Variants in RBFOX1 observed in about 807,000 individuals in gnomAD.
RBFOX1 encodes the protein RNA binding protein fox-1 homolog 1.
RBFOX1 carries 8 observed loss-of-function variants against 57.7 expected under a neutral mutation model. The observed-to-expected ratio is 0.14, with a 90% confidence interval of 0.08 to 0.25. RBFOX1 has a LOEUF of 0.25. Ranked by LOEUF, RBFOX1 falls within the 10% of genes least tolerant of loss-of-function variation. RBFOX1 has a pLI of 1.00. For synonymous variants in RBFOX1, 326 were observed against 222.4 expected, an observed-to-expected ratio of 1.47 and a Z score of -4.15; for missense variants, 611 against 548.5, an observed-to-expected ratio of 1.11 and a Z score of -1.14.
intron 4 of RBFOX1, among the ~76,000 whole-genome samples, chr16:7,058,205 G>C (rs1265940223): frequency 1.3e-5 from 2 of 152,028 alleles, no homozygotes; most frequent in African/African-American, 4.8e-5. Context: ...TTAAGAAAGG[G>C]GGAATCACTT....
chr16:6,429,170 A>T (rs1597116600), intron 2 of RBFOX1, among the ~76,000 whole-genome samples: 1 of 152,188 alleles, frequency 6.6e-6, no homozygotes, highest in East Asian at 1.9e-4. Flanking sequence ...TTGGTGCTGG[A>T]TTTTAATTAT....
intron 2 of RBFOX1, among the ~76,000 whole-genome samples, chr16:6,632,133 C>T (rs1054761688): frequency 1.3e-5 from 2 of 152,100 alleles, no homozygotes; most frequent in Non-Finnish European, 2.9e-5. Context: ...GTGTCCTGGA[C>T]ACAGTTACTG....
At chr16:7,052,800 T>C (rs1236028278) in intron 4 of RBFOX1, among the ~76,000 whole-genome samples, 1 of 152,204 alleles carries the variant, frequency 6.6e-6, no homozygotes, top group East Asian at 1.9e-4. Flanking sequence ...ACTTTGGGAT[T>C]TCTTCCCATT....
At position 7,294,758 on chromosome 16, in the gene RBFOX1, T is replaced by G. The variant is rs976551188; in HGVS notation, c.28-223389T>G. Among the ~76,000 whole-genome samples the G allele has an allele frequency of 6.0e-5, 9 of 150,620 alleles. 1 individual carries two copies. In the East Asian group the frequency reaches 1.7e-3, roughly 29 times the overall value. Reference sequence around the variant, plus strand: ...AAAAGTGCTTACGAGGTTTAGATATTGTAAAAAATGATGAATATGATGATG... The same window carrying G: ...AAAAGTGCTTACGAGGTTTAGATATGGTAAAAAATGATGAATATGATGATG... On this transcript the variant is annotated intron_variant, in intron 4 of 15. Transcript: ENST00000550418.
At position 6,922,802 on chromosome 16, in the gene RBFOX1, T is replaced by G. The variant is rs114288252; in HGVS notation, c.-15-129255T>G. On this transcript the variant is annotated intron_variant, in intron 3 of 15. Coordinates refer to ENST00000550418, the MANE Select transcript of RBFOX1 (RefSeq NM_018723.4). ...GAGTAATAAATCAGGAGGTCAGCGT[T>G]CATCACAGGTGGGATTGTGTGATGA... 1.0e-2 allele frequency among the ~76,000 whole-genome samples: 1,518 copies of G among 152,258 alleles called. 18 individuals carry two copies. Among genetic ancestry groups the G allele is most frequent in the African/African-American group, 0.032 (1,326 of 41,538 alleles).
chr16:5,961,753 C>A (rs933412835), intron 4 of RBFOX1, among the ~76,000 whole-genome samples: 4 of 152,076 alleles, frequency 2.6e-5, no homozygotes, highest in African/African-American at 9.7e-5. Flanking sequence ...GTCTCAAACT[C>A]CCGGCCTCAA....
chr16:7,672,951 T>C (rs2072038531), intron 13 of RBFOX1, among the ~76,000 whole-genome samples: 1 of 150,644 alleles, frequency 6.6e-6, no homozygotes. Flanking sequence ...AAGTATTATA[T>C]AGTAAATAAG....
chr16:7,100,231 T>C (rs542564786), intron 4 of RBFOX1, among the ~76,000 whole-genome samples: 1 of 152,164 alleles, frequency 6.6e-6, no homozygotes, highest in Non-Finnish European at 1.5e-5. Context: ...AGTGCTGATA[T>C]CAGTGTTGTG....
intron 1 of RBFOX1, among the ~76,000 whole-genome samples, chr16:6,225,484 A>C (rs187896498): frequency 2.5e-3 from 374 of 152,282 alleles, no homozygotes; most frequent in Middle Eastern, 0.024. Context: ...TAATATATGT[A>C]AGAGATTTTT....
intron 2 of RBFOX1, among the ~76,000 whole-genome samples, chr16:6,623,767 T>C (rs562691150): frequency 2.2e-4 from 34 of 152,270 alleles, no homozygotes; most frequent in African/African-American, 6.7e-4. Flanking sequence ...CTACAAAGGA[T>C]ATGAACTCAT....
intron 2 of RBFOX1, among the ~76,000 whole-genome samples, chr16:5,573,440 T>C (rs7205447): frequency 0.37 from 55,539 of 152,158 alleles, 11,634 homozygotes; most frequent in East Asian, 0.53. Flanking sequence ...CACCTGAATA[T>C]ACTGGATTGG....
chr16:6,390,386 G>A (rs1023676868), intron 2 of RBFOX1, among the ~76,000 whole-genome samples: 23 of 152,042 alleles, frequency 1.5e-4, no homozygotes, highest in African/African-American at 5.6e-4. Context: ...GGTACCTAGT[G>A]TTTTACTTTG....
chr16:6,479,291 A>G (rs138998644), intron 2 of RBFOX1, among the ~76,000 whole-genome samples: 173 of 152,332 alleles, frequency 1.1e-3, no homozygotes, highest in Middle Eastern at 6.8e-3. Context: ...ACATGGCGGC[A>G]GGTGAGAGAG....
At chr16:6,076,552 C>T (rs772046203) in intron 1 of RBFOX1, among the ~76,000 whole-genome samples, 31 of 152,158 alleles carry the variant, frequency 2.0e-4, no homozygotes, top group Admixed American at 3.3e-4. Context: ...ACTGCAGCCT[C>T]GATCTCCTGG....
At chr16:5,891,093 C>G (rs1421538494) in intron 4 of RBFOX1, among the ~76,000 whole-genome samples, 2 of 152,162 alleles carry the variant, frequency 1.3e-5, no homozygotes, top group Non-Finnish European at 2.9e-5. Context: ...TCAACCGTAA[C>G]TGTTAGTAGG....
intron 3 of RBFOX1, among the ~76,000 whole-genome samples, chr16:6,982,075 G>A (rs1198915522): frequency 6.6e-6 from 1 of 152,114 alleles, no homozygotes; most frequent in African/African-American, 2.4e-5. Context: ...ATATACTCAT[G>A]TTGGTTTATA....
At chr16:6,132,652 G>C (rs1241576916) in intron 1 of RBFOX1, among the ~76,000 whole-genome samples, 2 of 152,142 alleles carry the variant, frequency 1.3e-5, no homozygotes, top group Non-Finnish European at 2.9e-5. Flanking sequence ...TGGACTGTGA[G>C]TTAACAGAGG....
At chr16:5,296,136 G>T (rs1201258884) in intron 1 of RBFOX1, among the ~76,000 whole-genome samples, 2 of 152,208 alleles carry the variant, frequency 1.3e-5, no homozygotes, top group Admixed American at 1.3e-4. Flanking sequence ...CAGCCTTGGA[G>T]ATCTAATCTT....
At chr16:6,644,514 C>G (rs2098517770) in intron 2 of RBFOX1, among the ~76,000 whole-genome samples, 1 of 152,214 alleles carries the variant, frequency 6.6e-6, no homozygotes, top group East Asian at 1.9e-4. Flanking sequence ...TGTGTCTCCT[C>G]ACACTCCTGA....
Sources: allele counts gnomAD v4.1 joint callset (sites outside exome capture counted in the v4.1 genomes callset), GRCh38; gene constraint gnomAD v4.1.1; transcripts MANE v1.5; gene names NCBI Gene and HGNC (gene_info 2026-07-23, HGNC 2026-07-21).